PYGB: variants seen among roughly 807,000 people sequenced by gnomAD.
PYGB encodes glycogen phosphorylase B.
A neutral mutation model predicts 94.3 loss-of-function variants in PYGB; 82 were observed. That is an observed-to-expected ratio of 0.87 (90% CI 0.73 to 1.04). The LOEUF (loss-of-function observed/expected upper bound fraction) is 1.04. Ranked by LOEUF, PYGB falls within the 50% of genes least tolerant of loss-of-function variation. The pLI is 0.00. For missense variants in PYGB, 1,132 were observed against 1,158.2 expected, an observed-to-expected ratio of 0.98 and a Z score of 0.33; for synonymous variants, 488 against 479.1, an observed-to-expected ratio of 1.02 and a Z score of -0.24.
At chr20:25,287,080 C>T (rs765816783) in intron 14 of PYGB, among the ~76,000 whole-genome samples, 3 of 152,204 alleles carry the variant, frequency 2.0e-5, no homozygotes, top group Non-Finnish European at 4.4e-5. Flanking sequence ...CCAGGGTGGC[C>T]GCTCATCCCC....
intron 1 of PYGB, among the ~76,000 whole-genome samples, chr20:25,251,725 C>T (rs912995592): frequency 2.6e-5 from 4 of 152,134 alleles, no homozygotes; most frequent in African/African-American, 9.7e-5. Context: ...GCTGTGTTGT[C>T]GATGTGCTGA....
intron 2 of PYGB, among the ~76,000 whole-genome samples, chr20:25,263,266 C>G (rs2092917630): frequency 6.6e-6 from 1 of 152,226 alleles, no homozygotes; most frequent in African/African-American, 2.4e-5. Flanking sequence ...AACAAACTGT[C>G]TCTCAGACCA....
chr20:25,294,753 A>G, intron 18 of PYGB: 1 of 647,146 alleles, frequency 1.5e-6, no homozygotes, highest in Non-Finnish European at 2.8e-6. Context: ...TGACATTATA[A>G]TGTAGTTAGT....
At chr20:25,281,609 C>CG (rs1399902280) in intron 11 of PYGB, among the ~76,000 whole-genome samples, 1 of 152,238 alleles carries the variant, frequency 6.6e-6, no homozygotes, top group Non-Finnish European at 1.5e-5. Context: ...AGGCTGTGCC[C>CG]GGGGCTGGGC....
intron 14 of PYGB, 97 bp from the exon 15 acceptor site, chr20:25,288,328 G>A (rs2088436051): frequency 3.7e-6 from 5 of 1,365,926 alleles, no homozygotes; most frequent in Non-Finnish European, 5.2e-6. Context: ...GAGCGTGCCT[G>A]TCCTGCCTCA....
intron 18 of PYGB, 27 bp downstream of exon 18, chr20:25,294,319 G>C: frequency 6.6e-7 from 1 of 1,518,638 alleles, no homozygotes; most frequent in Non-Finnish European, 9.1e-7. Flanking sequence ...TGGTTGGGTG[G>C]CTGGGAGGGA....
At chr20:25,248,489 C>CG (rs908912374) in intron 1 of PYGB, 68 bp downstream of exon 1, 7 of 1,289,958 alleles carry the variant, frequency 5.4e-6, no homozygotes, top group African/African-American at 4.6e-5. Context: ...GCCGCGCCAG[C>CG]GGGGGTCTCT....
At chr20:25,294,953 G>C in intron 18 of PYGB, 1 of 1,613,958 alleles carries the variant, frequency 6.2e-7, no homozygotes, top group Non-Finnish European at 8.5e-7. Flanking sequence ...TTCGATGACC[G>C]TGTCACCTGT....
chr20:25,281,693 C>T (rs1319294013), intron 11 of PYGB, among the ~76,000 whole-genome samples: 6 of 152,174 alleles, frequency 3.9e-5, no homozygotes, highest in African/African-American at 1.4e-4. Context: ...GGAAACCGAG[C>T]GCAGCTTCTC....
At chr20:25,261,660 C>A (rs1600723811) in intron 2 of PYGB, among the ~76,000 whole-genome samples, 2 of 152,300 alleles carry the variant, frequency 1.3e-5, no homozygotes, top group South Asian at 4.1e-4. Flanking sequence ...GAGGAGAAGG[C>A]TTCAGACGAT....
intron 6 of PYGB, 73 bp from the exon 7 acceptor site, chr20:25,277,171 G>GT: frequency 8.1e-7 from 1 of 1,229,146 alleles, no homozygotes; most frequent in Non-Finnish European, 1.2e-6. Flanking sequence ...GCCTTTGCAA[G>GT]TAGGCCCCTG....
Position 25,288,263 on chromosome 20 carries a change from G to GGCAGGTGGGTGT in PYGB, c.1769-162_1769-161insGCAGGTGGGTGT, listed in dbSNP as rs1340618540. On this transcript the variant is annotated intron_variant, in intron 14 of 19. Transcript: ENST00000216962. ...TTCCTGGTGGGTGGGCAGGTGGGTG[G>GGCAGGTGGGTGT]CCAGTGGCCCTGTGCCACTGTCACC... is the stretch of plus-strand genomic sequence containing the variant. 3.7e-6 allele frequency: 3 copies of GGCAGGTGGGTGT among 806,764 alleles called. No individual in the cohort carries two copies. The East Asian group carries it at 7.7e-5, about 21-fold the overall frequency. 50.0% of individuals were successfully genotyped at this position (806,764 alleles called of 1,614,324 possible).
chr20:25,278,325 G>C lies in PYGB; in HGVS notation c.862G>C (p.Glu288Gln). Reference sequence around the variant, plus strand: ...CTTGCTCTGCTGTGTGCAGTTCTTTGAGGGGAAGGAGCTGCGGCTGAAGCA... The same window carrying C: ...CTTGCTCTGCTGTGTGCAGTTCTTTCAGGGGAAGGAGCTGCGGCTGAAGCA... ...RVLYPNDNFF[E>Q]GKELRLKQEY... Residue 288 changes from glutamate to glutamine, a missense_variant, in exon 8 of 20, where the codon GAG (glutamate) becomes CAG (glutamine). Coordinates refer to ENST00000216962, the MANE Select transcript of PYGB (RefSeq NM_002862.4). 6.6e-7 allele frequency: 1 copy of C among 1,518,402 alleles called. No homozygotes were observed. The highest frequency in any genetic ancestry group is 8.8e-7 in the Non-Finnish European group (1 of 1,139,160). 94.1% of individuals were successfully genotyped at this position (1,518,402 alleles called of 1,614,324 possible).
chr20:25,297,653 A>C lies in PYGB; in HGVS notation c.*1131A>C, dbSNP rs1448152180. ...CTGGCAACCTGCCTCCCATTGCCCA[A>C]GAGAGAGGGCAGGGAACAGGCTACT... On this transcript the variant is annotated 3_prime_UTR_variant, in exon 20 of 20. Coordinates refer to ENST00000216962, the MANE Select transcript of PYGB (RefSeq NM_002862.4). The C allele has an allele frequency of 6.6e-6, 1 of 152,272 alleles. No homozygotes were observed. The highest frequency in any genetic ancestry group is 2.4e-5 in the African/African-American group (1 of 41,448). The allele number at this position is 152,272 out of a possible 1,614,324, so 9.4% of individuals were successfully genotyped here.
intron 4 of PYGB, among the ~76,000 whole-genome samples, 168 bp downstream of exon 4, chr20:25,271,654 G>A (rs1301950490): frequency 6.6e-6 from 1 of 152,210 alleles, no homozygotes; most frequent in Non-Finnish European, 1.5e-5. Context: ...CGGCTTCTTG[G>A]TCCACATGGC....
chr20:25,267,733 G>T (rs542485948), intron 2 of PYGB, among the ~76,000 whole-genome samples: 107 of 152,258 alleles, frequency 7.0e-4, no homozygotes, highest in African/African-American at 2.6e-3. Flanking sequence ...ATCTCATTAT[G>T]TTGCCCAGGC....
At chr20:25,283,507 T>C (rs1421103006) in intron 13 of PYGB, among the ~76,000 whole-genome samples, 2 of 152,170 alleles carry the variant, frequency 1.3e-5, no homozygotes, top group Admixed American at 6.5e-5. Flanking sequence ...ACATGGCAGA[T>C]AGGTGAGTGC....
rs138512400 is a variant in PYGB, at chr20:25,276,775, TG to T, written c.772+20del. On this transcript the variant is annotated intron_variant, in intron 6 of 19. Coordinates refer to ENST00000216962, the MANE Select transcript of PYGB (RefSeq NM_002862.4). ...GCAGGACTGTACGTTCCGTGGTTCT[TG>T]GCACCCTTGTGTCCATGTGGGTGGC... 3.1e-3 allele frequency: 4,998 copies of T among 1,606,484 alleles called. 82 individuals are homozygous for T. The African/African-American group carries it at 0.033, about 11-fold the overall frequency.
At chr20:25,277,189 G>T (rs2088320563) in intron 6 of PYGB, 55 bp from the exon 7 acceptor site, 2 of 1,396,470 alleles carry the variant, frequency 1.4e-6, no homozygotes, top group South Asian at 1.2e-5. Flanking sequence ...CTGAGCGGTT[G>T]CAGTGCTGGT....
Sources: gnomAD v4.1 joint callset for allele counts (sites outside exome capture counted in the v4.1 genomes callset) on GRCh38, gnomAD v4.1.1 for gene constraint, MANE v1.5 for transcripts, NCBI Gene and HGNC (gene_info 2026-07-23, HGNC 2026-07-21) for gene names.